Variants in CROCC2 observed in about 807,000 individuals in gnomAD.
The protein encoded by CROCC2 is ciliary rootlet coiled-coil protein 2.
Under a neutral mutation model 177.6 loss-of-function variants are expected in CROCC2, and 163 were observed. The ratio of observed to expected loss-of-function variants is 0.92; its 90% CI spans 0.81 to 1.05. CROCC2 has a LOEUF of 1.05. CROCC2 is among the 50% of genes least tolerant of loss of function. The pLI is 0.00. For synonymous variants in CROCC2, 904 were observed against 787.3 expected (o/e 1.15, Z -2.48); for missense variants, 1,929 against 1,797.8 (o/e 1.07, Z -1.32).
At chr2:240,935,315 G>C (rs2059461293) in intron 13 of CROCC2, 43 bp from the exon 14 acceptor site, 1 of 1,331,864 alleles carries the variant, frequency 7.5e-7, no homozygotes, top group Admixed American at 3.5e-5. Context: ...CAGGGACCGA[G>C]GATGGGGGGA....
chr2:240,981,188 C>A (rs2059796339), intron 27 of CROCC2, among the ~76,000 whole-genome samples: 1 of 149,734 alleles, frequency 6.7e-6, no homozygotes. Flanking sequence ...CATCCCTGCT[C>A]AGTCTCTGGG....
intron 5 of CROCC2, among the ~76,000 whole-genome samples, chr2:240,926,232 G>A (rs1048831137): frequency 2.0e-5 from 3 of 152,232 alleles, no homozygotes; most frequent in Non-Finnish European, 4.4e-5. Context: ...CAGGGACCTT[G>A]GAAGGAGCCT....
At chr2:240,987,771 A>C (rs1431064133) in intron 28 of CROCC2, among the ~76,000 whole-genome samples, 1 of 152,262 alleles carries the variant, frequency 6.6e-6, no homozygotes, top group Non-Finnish European at 1.5e-5. Context: ...CCCTGTGGAC[A>C]CAGCCCCAGC....
At chr2:240,947,476 C>CTG (rs1402058036) in intron 15 of CROCC2, among the ~76,000 whole-genome samples, 1 of 152,228 alleles carries the variant, frequency 6.6e-6, no homozygotes, top group African/African-American at 2.4e-5. Flanking sequence ...TCACAGGCCA[C>CTG]TGAACAGGGC....
At chr2:240,964,397 G>A in intron 21 of CROCC2, 69 bp from the exon 22 acceptor site, 1 of 1,534,800 alleles carries the variant, frequency 6.5e-7, no homozygotes, top group Non-Finnish European at 8.8e-7. Flanking sequence ...GGGAGGCAGA[G>A]ACCTGCTGGG....
rs1327811051 is a variant in CROCC2, at chr2:240,906,580, A to G, written c.67A>G (p.Thr23Ala). 2 of 399,038 alleles carry G rather than the reference A, an allele frequency of 5.0e-6. No homozygotes were observed. Among genetic ancestry groups the G allele is most frequent in the Admixed American group, 8.8e-5 (2 of 22,722 alleles). The allele number at this position is 399,038 out of a possible 1,614,324, so 24.7% of individuals were successfully genotyped here. The change falls in exon 1 of 32, where the codon ACC becomes GCC. Residue 23 changes from threonine to alanine, a missense_variant. Physicochemically the swap from Thr to Ala is moderately conservative, Grantham distance 58 (BLOSUM62 0). Coordinates refer to ENST00000690015, the MANE Select transcript of CROCC2 (RefSeq NM_001351305.2). The stretch of plus-strand genomic sequence containing the variant: ...CCAACAGCCCCTACTGGGGCTGGAC[A>G]CCGTGATCCAGGTCAGTGGGGTGGT... Reference protein sequence around the residue: ...ASQQPLLGLDTVIQRLEDTIL... With the variant: ...ASQQPLLGLDAVIQRLEDTIL...
At chr2:240,962,016 ACACACACACACACGCACG>A (rs879264662) in intron 20 of CROCC2, among the ~76,000 whole-genome samples, 83,137 of 147,298 alleles carry the variant, frequency 0.56, 23,643 homozygotes, top group Non-Finnish European at 0.62. Flanking sequence ...TCACCCACAC[ACACACACACACACGCACG>A]CACACACGCG....
At chr2:240,961,893 C>T (rs1404459352) in intron 20 of CROCC2, among the ~76,000 whole-genome samples, 2 of 138,566 alleles carry the variant, frequency 1.4e-5, no homozygotes, top group Non-Finnish European at 3.0e-5. Context: ...CACACATGTA[C>T]ACACACACGT....
In CROCC2 at chr2:240,960,690, A is replaced by G. The variant is rs890521900; in HGVS notation, c.3087+1246A>G. ...CTGGAGCGAGCGGCTGGCGCACACC[A>G]CGCCCCAGAGGCCGGGCCGGCCGGC... On this transcript the variant is annotated intron_variant, in intron 20 of 31. Transcript: ENST00000690015. The surrounding 1 kb of genome is among the most constrained non-coding windows in gnomAD (Gnocchi z 5.0). Among the ~76,000 whole-genome samples the G allele has an allele frequency of 2.0e-5, 3 of 151,906 alleles. No individual in the cohort carries two copies. Among genetic ancestry groups the G allele is most frequent in the Non-Finnish European group, 2.9e-5 (2 of 67,936 alleles).
chr2:240,920,980 G>A (rs1420504251), intron 3 of CROCC2, among the ~76,000 whole-genome samples: 2 of 152,194 alleles, frequency 1.3e-5, no homozygotes, highest in African/African-American at 4.8e-5. Context: ...AGCCCCCCTG[G>A]TTCTGCATGG....
At chr2:240,932,929 G>T (rs1361375124) in intron 9 of CROCC2, 21 bp downstream of exon 9, 5 of 1,543,332 alleles carry the variant, frequency 3.2e-6, no homozygotes, top group Non-Finnish European at 4.4e-6. Context: ...GCAGCCCACA[G>T]GACTCCCTGT....
Position 240,950,503 on chromosome 2 carries a change from T to C in CROCC2, c.2822T>C (p.Met941Thr). ...DESLLQLEHK[M>T]QQALSLKETE... ...AGCCTTCTCCAACTGGAGCACAAGA[T>C]GCAACAGGTGATGGTGAGGCTGGGG... Residue 941 changes from methionine to threonine, a missense_variant, in exon 18 of 32, where the codon ATG becomes ACG. Met to Thr is a moderately conservative substitution (Grantham distance 81). Coordinates refer to ENST00000690015, the MANE Select transcript of CROCC2 (RefSeq NM_001351305.2). 1 of 1,549,206 alleles carries C rather than the reference T, an allele frequency of 6.5e-7. No individual in the cohort carries two copies. The highest frequency in any genetic ancestry group is 8.7e-7 in the Non-Finnish European group (1 of 1,146,176).
At chr2:240,913,024 C>G (rs1338603114) in intron 1 of CROCC2, among the ~76,000 whole-genome samples, 1 of 152,198 alleles carries the variant, frequency 6.6e-6, no homozygotes, top group Non-Finnish European at 1.5e-5. Context: ...TCCCAATCTC[C>G]CAGGCCACAT....
Position 240,959,326 on chromosome 2 carries a change from A to T in CROCC2, c.2969A>T (p.Glu990Val), listed in dbSNP as rs1574777871. Residue 990 changes from glutamate to valine, a missense_variant, in exon 20 of 32, where the codon GAG becomes GTG. Glu to Val is a moderately radical substitution (Grantham distance 121). This residue lies in a region of CROCC2 where 1,397 missense variants were observed against 1,239.9 expected (regional missense o/e 1.13). Coordinates refer to ENST00000690015, the MANE Select transcript of CROCC2 (RefSeq NM_001351305.2). ...GCCACCATCAGTGCCACGACTGAGGAGCTGAAGGCCCTCCAGGCCCAGTTT... is the reference window on the plus strand; with the variant it reads ...GCCACCATCAGTGCCACGACTGAGGTGCTGAAGGCCCTCCAGGCCCAGTTT... ...AQATISATTEELKALQAQFED... is the reference protein window; with the variant it reads ...AQATISATTEVLKALQAQFED... 6.4e-7 allele frequency: 1 copy of T among 1,550,458 alleles called. No individual in the cohort carries two copies. Among genetic ancestry groups the T allele is most frequent in the African/African-American group, 1.4e-5 (1 of 73,114 alleles).
chr2:240,914,072 G>A (rs547299436), intron 1 of CROCC2, among the ~76,000 whole-genome samples: 7 of 152,236 alleles, frequency 4.6e-5, no homozygotes, highest in African/African-American at 1.7e-4. Context: ...AGGGGCTGCC[G>A]CCCGGCCCGG....
intron 7 of CROCC2, 94 bp from the exon 8 acceptor site, chr2:240,932,224 A>C: frequency 1.6e-6 from 1 of 631,336 alleles, no homozygotes; most frequent in South Asian, 1.9e-5. Context: ...CAGGGGGGCC[A>C]CCGCACAAAG....
At position 240,950,516 on chromosome 2, in the gene CROCC2, G is replaced by A. The variant is rs1338224330; in HGVS notation, c.2829+6G>A. ...TGGAGCACAAGATGCAACAGGTGAT[G>A]GTGAGGCTGGGGGGCAGCGGGATTG... On this transcript the variant is annotated splice_donor_region_variant and intron_variant, in intron 18 of 31. Transcript: ENST00000690015. 1 of 1,547,104 alleles carries A rather than the reference G, an allele frequency of 6.5e-7. No homozygotes were observed. Among genetic ancestry groups the A allele is most frequent in the Non-Finnish European group, 8.7e-7 (1 of 1,144,952 alleles).
Position 240,989,803 on chromosome 2 carries a change from C to A in CROCC2, c.4833C>A (p.His1611Gln), listed in dbSNP as rs575396741. The A allele has an allele frequency of 2.6e-6, 4 of 1,548,326 alleles. No homozygotes were observed. Among genetic ancestry groups the A allele is most frequent in the East Asian group, 2.4e-5 (1 of 40,874 alleles). Residue 1611 changes from histidine (H) to glutamine (Q), a missense_variant, in exon 30 of 32, where the codon CAC (histidine) becomes CAA (glutamine). Around this residue, in one of 3 missense-constraint regions of CROCC2, gnomAD observed 388 missense variants for 352.7 expected, o/e 1.10. Transcript: ENST00000690015. ...CCCTGGAGTCCCAAGAATGGACCCA[C>A]CAGCAGCAGGTAAAGGTGCTGGAAG... Reference protein sequence around the residue: ...TQALESQEWTHQQQVKVLEEQ... With the variant: ...TQALESQEWTQQQQVKVLEEQ...
intron 28 of CROCC2, among the ~76,000 whole-genome samples, chr2:240,987,605 C>A (rs534479320): frequency 2.0e-5 from 3 of 152,356 alleles, no homozygotes; most frequent in African/African-American, 7.2e-5. Context: ...ACCAGGCCTG[C>A]TCCAGCCCTG....
Sources: allele counts gnomAD v4.1 joint callset (sites outside exome capture counted in the v4.1 genomes callset), GRCh38; gene constraint gnomAD v4.1.1; regional missense constraint gnomAD v4.1.1; non-coding constraint Gnocchi (gnomAD v3.1); transcripts MANE v1.5; gene names NCBI Gene and HGNC (gene_info 2026-07-23, HGNC 2026-07-21).